SLC25A26: variants seen among roughly 807,000 people sequenced by gnomAD.
SLC25A26 encodes the protein solute carrier family 25 member 26.
A neutral mutation model predicts 37.8 loss-of-function variants in SLC25A26; 36 were observed. That is an observed-to-expected ratio of 0.95 (90% CI 0.73 to 1.26). The LOEUF (loss-of-function observed/expected upper bound fraction) is 1.26, where lower values mean the gene tolerates loss of function less well. SLC25A26 is among the 50% of genes most tolerant of loss of function. The probability of loss-of-function intolerance (pLI) is 0.00; values close to 1 mark genes in which losing one functional copy is unlikely to be tolerated. For missense variants in SLC25A26, 390 were observed against 331.1 expected, an observed-to-expected ratio of 1.18 and a Z score of -1.38; for synonymous variants, 129 against 122.5, an observed-to-expected ratio of 1.05 and a Z score of -0.35.
intron 3 of SLC25A26, among the ~76,000 whole-genome samples, chr3:66,259,008 A>G (rs1390243743): frequency 6.6e-6 from 1 of 152,158 alleles, no homozygotes; most frequent in Admixed American, 6.5e-5. Flanking sequence ...TTGCCAGCAT[A>G]GCTCTAGAAT....
chr3:66,180,198 C>G (rs1335887565), intron 1 of SLC25A26, among the ~76,000 whole-genome samples: 3 of 152,136 alleles, frequency 2.0e-5, no homozygotes, highest in African/African-American at 7.2e-5. Context: ...TATGAGCAGA[C>G]CTAAACAGAA....
chr3:66,359,844 C>G (rs939498983), intron 6 of SLC25A26, among the ~76,000 whole-genome samples: 12 of 152,130 alleles, frequency 7.9e-5, no homozygotes, highest in African/African-American at 2.2e-4. Context: ...CTTTAGAAAC[C>G]AGTCTCTAAT....
upstream of SLC25A26, chr3:66,220,917 C>A: frequency 1.4e-6 from 1 of 695,260 alleles, no homozygotes; most frequent in Non-Finnish European, 2.5e-6. Flanking sequence ...CCCCTCCTCT[C>A]TGGCCCTCCC....
chr3:66,188,595 G>A (rs927581062), intron 1 of SLC25A26, among the ~76,000 whole-genome samples: 1,639 of 152,236 alleles, frequency 0.011, 30 homozygotes, highest in African/African-American at 0.037. Flanking sequence ...ATGAGTGGAG[G>A]CAGCCTGAGG....
At chr3:66,306,265 C>T (rs2075217941) in intron 5 of SLC25A26, among the ~76,000 whole-genome samples, 1 of 152,218 alleles carries the variant, frequency 6.6e-6, no homozygotes, top group Non-Finnish European at 1.5e-5. Flanking sequence ...CAGGCGTAAG[C>T]CACTGCGCCT....
chr3:66,283,722 A>G lies in SLC25A26; in HGVS notation c.453+20343A>G, dbSNP rs555132427. Among the ~76,000 whole-genome samples, 15 of 152,270 alleles carry G rather than the reference A, an allele frequency of 9.9e-5. No homozygotes were observed. The South Asian group carries it at 2.9e-3, about 29-fold the overall frequency. On this transcript the variant is annotated intron_variant, in intron 5 of 9. Coordinates refer to ENST00000354883, the MANE Select transcript of SLC25A26 (RefSeq NM_001379210.1). ...TAATGGTTTTATTTATTATTGTTTT[A>G]ATCTTAGTTGACTCTTGAATCACAA...
intron 6 of SLC25A26, among the ~76,000 whole-genome samples, chr3:66,351,028 C>G (rs1357397686): frequency 6.6e-6 from 1 of 152,062 alleles, no homozygotes; most frequent in Non-Finnish European, 1.5e-5. Flanking sequence ...AGGCCTTAAC[C>G]CCTTCAATTT....
At chr3:66,326,414 G>A (rs964627640) in intron 5 of SLC25A26, among the ~76,000 whole-genome samples, 2 of 152,230 alleles carry the variant, frequency 1.3e-5, no homozygotes, top group South Asian at 2.1e-4. Context: ...TGCCTGCCCT[G>A]GTAGAGTCCG....
chr3:66,244,305 A>G (rs1166981358), intron 3 of SLC25A26, among the ~76,000 whole-genome samples: 1 of 152,262 alleles, frequency 6.6e-6, no homozygotes, highest in Non-Finnish European at 1.5e-5. Context: ...ACCTGCACTG[A>G]ATAACATAGT....
At chr3:66,177,464 C>T (rs2070607523) in intron 1 of SLC25A26, among the ~76,000 whole-genome samples, 1 of 152,230 alleles carries the variant, frequency 6.6e-6, no homozygotes, top group Non-Finnish European at 1.5e-5. Flanking sequence ...CAACCCACAA[C>T]ACTTCCTAGT....
At chr3:66,199,678 T>A (rs1480564170) in intron 1 of SLC25A26, among the ~76,000 whole-genome samples, 2 of 152,150 alleles carry the variant, frequency 1.3e-5, no homozygotes, top group Non-Finnish European at 2.9e-5. Flanking sequence ...TTCACTGGCC[T>A]CAACTTCATC....
At chr3:66,341,475 G>A (rs2076208351) in intron 5 of SLC25A26, among the ~76,000 whole-genome samples, 1 of 152,126 alleles carries the variant, frequency 6.6e-6, no homozygotes, top group Non-Finnish European at 1.5e-5. Context: ...AAATTACTGT[G>A]ATGATTCTGT....
At chr3:66,355,530 C>G (rs538502817) in intron 6 of SLC25A26, among the ~76,000 whole-genome samples, 2 of 152,090 alleles carry the variant, frequency 1.3e-5, no homozygotes, top group African/African-American at 4.8e-5. Context: ...GCCACTAGCT[C>G]GTATTGCAAG....
chr3:66,158,513 T>A (rs2070314406), intron 1 of SLC25A26, among the ~76,000 whole-genome samples: 1 of 152,160 alleles, frequency 6.6e-6, no homozygotes, highest in Admixed American at 6.5e-5. Context: ...ATGTTGAATA[T>A]TTTGAGAAAC....
intron 5 of SLC25A26, among the ~76,000 whole-genome samples, chr3:66,277,517 G>C (rs543598968): frequency 8.5e-5 from 13 of 152,096 alleles, no homozygotes; most frequent in African/African-American, 2.9e-4. Context: ...TTAAGGTACA[G>C]CATGAAAAGT....
At chr3:66,257,307 G>A (rs1442215463) in intron 3 of SLC25A26, among the ~76,000 whole-genome samples, 1 of 151,882 alleles carries the variant, frequency 6.6e-6, no homozygotes, top group African/African-American at 2.4e-5. Flanking sequence ...GCATCTAATT[G>A]CATAAATATA....
Position 66,377,063 on chromosome 3 carries a change from G to T in SLC25A26, c.708-627G>T, listed in dbSNP as rs151234835. ...ATATCTGAGTAGGTATGGGGAGGGG[G>T]GGCAGTTTTAAAGAATGAATCCCCA... On this transcript the variant is annotated intron_variant, in intron 9 of 9. Transcript: ENST00000354883. 4.5e-4 allele frequency among the ~76,000 whole-genome samples: 69 copies of T among 152,218 alleles called. No homozygotes were observed. The East Asian group carries it at 0.011, about 24-fold the overall frequency.
At chr3:66,141,239 T>A (rs890545359) in intron 1 of SLC25A26, among the ~76,000 whole-genome samples, 2 of 151,290 alleles carry the variant, frequency 1.3e-5, no homozygotes, top group Non-Finnish European at 2.9e-5. Context: ...TATAATTACA[T>A]GTACATCTTC....
chr3:66,213,215 C>A (rs979662027), intron 1 of SLC25A26, among the ~76,000 whole-genome samples: 1 of 151,810 alleles, frequency 6.6e-6, no homozygotes, highest in African/African-American at 2.4e-5. Flanking sequence ...GCTTGGCCAA[C>A]GTGGTGAAAC....
Sources: gnomAD v4.1 joint callset for allele counts (sites outside exome capture counted in the v4.1 genomes callset) on GRCh38, gnomAD v4.1.1 for gene constraint, MANE v1.5 for transcripts, NCBI Gene and HGNC (gene_info 2026-07-23, HGNC 2026-07-21) for gene names.